ZBTB16: variants seen among roughly 807,000 people sequenced by gnomAD.
ZBTB16 encodes the protein zinc finger and BTB domain-containing protein 16.
ZBTB16 carries 8 observed loss-of-function variants against 56.8 expected under a neutral mutation model. The observed-to-expected ratio is 0.14, with a 90% CI of 0.08 to 0.25. ZBTB16 has a LOEUF of 0.25. Among genes scored for constraint, ZBTB16 ranks in the 10% least tolerant of loss-of-function variants. The pLI, the probability that ZBTB16 is intolerant of heterozygous loss-of-function variation, is 1.00. For missense variants in ZBTB16, 625 were observed against 903.0 expected, an observed-to-expected ratio of 0.69 and a Z score of 3.95; for synonymous variants, 363 against 368.5, an observed-to-expected ratio of 0.98 and a Z score of 0.17.
intron 2 of ZBTB16, among the ~76,000 whole-genome samples, chr11:114,091,224 T>C (rs1161651430): frequency 6.6e-6 from 1 of 152,140 alleles, no homozygotes; most frequent in Non-Finnish European, 1.5e-5. Flanking sequence ...GGCATGCACC[T>C]ATAGTCCCAG....
At chr11:114,158,308 C>T (rs1942481055) in intron 3 of ZBTB16, among the ~76,000 whole-genome samples, 1 of 152,148 alleles carries the variant, frequency 6.6e-6, no homozygotes, top group Admixed American at 6.5e-5. Flanking sequence ...TCTTATTGCT[C>T]TTTCCTTGAG....
chr11:114,111,717 C>T (rs75991737), intron 2 of ZBTB16, among the ~76,000 whole-genome samples: 2,671 of 152,292 alleles, frequency 0.018, 37 homozygotes, highest in Non-Finnish European at 0.029. Flanking sequence ...TCTGTTTTGA[C>T]AAAGCTTCAT....
At chr11:114,215,665 C>G (rs1320615887) in intron 4 of ZBTB16, among the ~76,000 whole-genome samples, 1 of 152,212 alleles carries the variant, frequency 6.6e-6, no homozygotes, top group Non-Finnish European at 1.5e-5. Flanking sequence ...CAAAGATGTT[C>G]CTAAGAGAGA....
chr11:114,163,203 C>T (rs1565660473), intron 3 of ZBTB16, among the ~76,000 whole-genome samples: 1 of 137,756 alleles, frequency 7.3e-6, no homozygotes, highest in African/African-American at 2.9e-5. Flanking sequence ...AGTCCCCCCC[C>T]AACCCCACCC....
At chr11:114,086,766 C>T (rs1218504173) in intron 2 of ZBTB16, among the ~76,000 whole-genome samples, 1 of 152,198 alleles carries the variant, frequency 6.6e-6, no homozygotes, top group Non-Finnish European at 1.5e-5. Context: ...CCTGAGAGCT[C>T]CTCAACTCTG....
chr11:114,248,151 C>T (rs1370879050), intron 6 of ZBTB16, among the ~76,000 whole-genome samples: 12 of 152,156 alleles, frequency 7.9e-5, no homozygotes, highest in African/African-American at 2.4e-4. Context: ...TCACCCGCCT[C>T]GGCCTCCAAA....
intron 2 of ZBTB16, among the ~76,000 whole-genome samples, chr11:114,100,971 G>T (rs895713830): frequency 5.3e-5 from 8 of 150,220 alleles, no homozygotes; most frequent in Non-Finnish European, 3.0e-5. Flanking sequence ...TCCCCGGGGG[G>T]TTCATGGCCA....
At chr11:114,068,076 A>AG (rs1939190239) in intron 2 of ZBTB16, among the ~76,000 whole-genome samples, 1 of 151,040 alleles carries the variant, frequency 6.6e-6, no homozygotes, top group African/African-American at 2.4e-5. Context: ...AAAAAAAAAA[A>AG]TCAGAAGGGG....
chr11:114,233,640 T>C (rs998979311), intron 4 of ZBTB16, among the ~76,000 whole-genome samples: 13 of 152,168 alleles, frequency 8.5e-5, no homozygotes, highest in African/African-American at 3.1e-4. Context: ...CCTTTTTTTA[T>C]CCACCCCTTT....
chr11:114,067,334 A>C (rs1939154757), intron 2 of ZBTB16, among the ~76,000 whole-genome samples: 2 of 152,174 alleles, frequency 1.3e-5, no homozygotes, highest in South Asian at 2.1e-4. Context: ...CCTTGTGAGC[A>C]TATGACAGCA....
chr11:114,136,908 A>G (rs753246921), intron 2 of ZBTB16, among the ~76,000 whole-genome samples: 6 of 152,024 alleles, frequency 3.9e-5, no homozygotes, highest in African/African-American at 7.3e-5. Flanking sequence ...CATGTCCTAT[A>G]CTCACACTTC....
chr11:114,198,621 T>G (rs1430699671), intron 4 of ZBTB16, among the ~76,000 whole-genome samples: 1 of 152,136 alleles, frequency 6.6e-6, no homozygotes, highest in Non-Finnish European at 1.5e-5. Flanking sequence ...TATAGCAAAA[T>G]GGAATGGAGA....
At chr11:114,225,409 G>A (rs1325187772) in intron 4 of ZBTB16, among the ~76,000 whole-genome samples, 1 of 152,138 alleles carries the variant, frequency 6.6e-6, no homozygotes, top group African/African-American at 2.4e-5. Flanking sequence ...ATGCCTGAGA[G>A]TGGGTAATGT....
chr11:114,082,298 A>ACAACAACAG (rs1232996373), intron 2 of ZBTB16, among the ~76,000 whole-genome samples: 5 of 151,914 alleles, frequency 3.3e-5, no homozygotes, highest in Non-Finnish European at 7.4e-5. Context: ...CACAACAACA[A>ACAACAACAG]CAACAACAGC....
At chr11:114,129,653 A>T (rs1941609193) in intron 2 of ZBTB16, among the ~76,000 whole-genome samples, 1 of 152,142 alleles carries the variant, frequency 6.6e-6, no homozygotes, top group South Asian at 2.1e-4. Flanking sequence ...TGCTTGTGAA[A>T]CCATTTTCCA....
chr11:114,083,761 A>G (rs747493733), intron 2 of ZBTB16, among the ~76,000 whole-genome samples: 31 of 152,182 alleles, frequency 2.0e-4, no homozygotes, highest in Non-Finnish European at 4.0e-4. Flanking sequence ...TTTGAGCAGG[A>G]CATTTCATTT....
At chr11:114,167,782 T>G (rs1010361026) in intron 3 of ZBTB16, among the ~76,000 whole-genome samples, 1 of 152,162 alleles carries the variant, frequency 6.6e-6, no homozygotes, top group African/African-American at 2.4e-5. Context: ...ACAGTATTGG[T>G]TCTATCTGGT....
intron 2 of ZBTB16, among the ~76,000 whole-genome samples, chr11:114,110,512 G>A (rs1269822606): frequency 1.3e-5 from 2 of 152,190 alleles, no homozygotes; most frequent in East Asian, 1.9e-4. Context: ...TGGTTTCACT[G>A]ATGCAGATTT....
intron 4 of ZBTB16, among the ~76,000 whole-genome samples, chr11:114,195,748 G>C (rs1040741521): frequency 1.3e-5 from 2 of 152,148 alleles, no homozygotes; most frequent in Non-Finnish European, 2.9e-5. Flanking sequence ...AGGAAATGGA[G>C]GTGCCAGTTT....
Sources: allele counts gnomAD v4.1 joint callset (sites outside exome capture counted in the v4.1 genomes callset), GRCh38; gene constraint gnomAD v4.1.1; transcripts MANE v1.5; gene names NCBI Gene and HGNC (gene_info 2026-07-23, HGNC 2026-07-21).